Variants in PEX7 observed in about 807,000 individuals in gnomAD.
The protein encoded by PEX7 is PTS2 receptor.
In PEX7, 34 loss-of-function variants were observed where a neutral mutation model predicts 47.5. The observed-to-expected ratio is 0.72, with a 90% confidence interval of 0.54 to 0.95. PEX7 has a LOEUF of 0.95. PEX7 is among the 40% of genes least tolerant of loss of function. PEX7 has a pLI of 0.00. For missense variants in PEX7, 394 were observed against 400.3 expected (o/e 0.98, Z 0.13); for synonymous variants, 141 against 148.8 (o/e 0.95, Z 0.38).
chr6:136,883,380 C>A (rs1422910258), intron 8 of PEX7, among the ~76,000 whole-genome samples: 2 of 152,164 alleles, frequency 1.3e-5, no homozygotes, highest in Non-Finnish European at 2.9e-5. Context: ...AAGCCACTAG[C>A]GACCTCTGTA....
chr6:136,913,229 C>T lies in PEX7; in HGVS notation c.904-229C>T, dbSNP rs138371555. On this transcript the variant is annotated intron_variant, in intron 9 of 9. Transcript: ENST00000318471. ...GGAAACCTCAGTCAATTGAAATATA[C>T]CAATTGGAATATACTCAATCAATGG... Among the ~76,000 whole-genome samples the T allele has an allele frequency of 3.8e-4, 58 of 152,284 alleles. No homozygotes were observed. In the East Asian group the frequency reaches 0.01, roughly 27 times the overall value.
At chr6:136,896,535 G>T (rs1377469671) in intron 8 of PEX7, among the ~76,000 whole-genome samples, 1 of 152,104 alleles carries the variant, frequency 6.6e-6, no homozygotes, top group Non-Finnish European at 1.5e-5. Flanking sequence ...TTTGGTTGTG[G>T]ACACCATGCA....
rs546523685 is a variant in PEX7, at chr6:136,827,864, T to G, written c.339+1395T>G. On this transcript the variant is annotated intron_variant, in intron 3 of 9. Coordinates refer to ENST00000318471, the MANE Select transcript of PEX7 (RefSeq NM_000288.4). ...GTGTGTGTGTGTTTTTTTGTTGTTGTTTTTTTTTGTAGAGATGGAGTTTCG... is the reference window on the plus strand; with the variant it reads ...GTGTGTGTGTGTTTTTTTGTTGTTGGTTTTTTTTGTAGAGATGGAGTTTCG... 2.0e-4 allele frequency among the ~76,000 whole-genome samples: 30 copies of G among 150,664 alleles called. 1 individual carries two copies. The South Asian group carries it at 6.3e-3, about 32-fold the overall frequency.
rs115307856 is a variant in PEX7, at chr6:136,870,341, C to T, written c.747+338C>T. Among the ~76,000 whole-genome samples, 164 of 152,168 alleles carry T rather than the reference C, an allele frequency of 1.1e-3. 1 individual carries two copies. Among genetic ancestry groups the T allele is most frequent in the African/African-American group, 3.5e-3 (145 of 41,540 alleles). On this transcript the variant is annotated intron_variant, in intron 7 of 9. Coordinates refer to ENST00000318471, the MANE Select transcript of PEX7 (RefSeq NM_000288.4). ...ATGTTCTTTATAAGTTTCTAATTAG[C>T]GAGAGTCTCTACTTTGTTGAAACAG... is the stretch of plus-strand genomic sequence containing the variant.
chr6:136,826,011 C>T (rs1229154883), intron 2 of PEX7, among the ~76,000 whole-genome samples: 5 of 152,076 alleles, frequency 3.3e-5, no homozygotes, highest in Admixed American at 2.0e-4. Context: ...TGAAGCCTGT[C>T]TCTTAGTGTC....
At chr6:136,827,812 G>A (rs540341472) in intron 3 of PEX7, among the ~76,000 whole-genome samples, 20 of 151,394 alleles carry the variant, frequency 1.3e-4, no homozygotes, top group Admixed American at 4.6e-4. Flanking sequence ...GATTATAGGC[G>A]TGAGCCACCG....
chr6:136,879,897 G>A (rs184068848), intron 8 of PEX7, among the ~76,000 whole-genome samples: 178 of 151,870 alleles, frequency 1.2e-3, no homozygotes, highest in African/African-American at 3.4e-3. Flanking sequence ...CTCTTCTTGG[G>A]CCCCAATGTA....
At position 136,888,720 on chromosome 6, in the gene PEX7, A is replaced by T. The variant is rs76050601; in HGVS notation, c.804-9422A>T. Among the ~76,000 whole-genome samples, 784 of 152,278 alleles carry T rather than the reference A, an allele frequency of 5.1e-3. 23 individuals carry two copies. In the East Asian group the frequency reaches 0.087, roughly 17 times the overall value. ...ATATGCTAAGTACATGTTTATAAAT[A>T]TAAGTGAATTTGAATTAAATGAAAA... On this transcript the variant is annotated intron_variant, in intron 8 of 9. Coordinates refer to ENST00000318471, the MANE Select transcript of PEX7 (RefSeq NM_000288.4).
At chr6:136,854,612 A>T (rs961055102) in intron 5 of PEX7, among the ~76,000 whole-genome samples, 3 of 152,208 alleles carry the variant, frequency 2.0e-5, no homozygotes, top group African/African-American at 7.2e-5. Context: ...CGTTGGTGAA[A>T]GATTCTACCA....
chr6:136,906,343 T>C (rs780658637), intron 9 of PEX7, among the ~76,000 whole-genome samples: 2 of 152,200 alleles, frequency 1.3e-5, no homozygotes, highest in Non-Finnish European at 2.9e-5. Context: ...ATATCAACTT[T>C]AAACCTATTA....
At chr6:136,909,737 A>G (rs535195041) in intron 9 of PEX7, among the ~76,000 whole-genome samples, 2 of 152,370 alleles carry the variant, frequency 1.3e-5, no homozygotes, top group East Asian at 1.9e-4. Flanking sequence ...TTTTAGATCT[A>G]TCTTAATCCA....
intron 9 of PEX7, among the ~76,000 whole-genome samples, chr6:136,908,930 ATAC>A (rs1775887960): frequency 6.6e-6 from 1 of 152,180 alleles, no homozygotes; most frequent in South Asian, 2.1e-4. Context: ...CTCAGCTTAG[ATAC>A]TACTTCCACC....
At chr6:136,840,319 C>T (rs1258000032) in intron 3 of PEX7, among the ~76,000 whole-genome samples, 1 of 151,952 alleles carries the variant, frequency 6.6e-6, no homozygotes, top group African/African-American at 2.4e-5. Flanking sequence ...GCTTTTTTTT[C>T]TTCCTCGCTT....
rs529314914 is a variant in PEX7, at chr6:136,908,348, T to TA, written c.904-5109dup. 5.9e-4 allele frequency among the ~76,000 whole-genome samples: 90 copies of TA among 152,322 alleles called. No homozygotes were observed. The East Asian group carries it at 0.013, about 23-fold the overall frequency. On this transcript the variant is annotated intron_variant, in intron 9 of 9. Coordinates refer to ENST00000318471, the MANE Select transcript of PEX7 (RefSeq NM_000288.4). ...CTTACCCTATTAGTTTAGTTTTTTT[T>TA]ACTACCCTAGTAGATAGCATCTTTT... is the stretch of plus-strand genomic sequence containing the variant.
chr6:136,861,972 A>G (rs1774971311), intron 5 of PEX7, among the ~76,000 whole-genome samples: 1 of 143,030 alleles, frequency 7.0e-6, no homozygotes. Flanking sequence ...GGAGAAGGTC[A>G]TGAGAGATCA....
At chr6:136,845,850 T>A (rs1183510451) in intron 4 of PEX7, among the ~76,000 whole-genome samples, 158 bp downstream of exon 4, 3 of 152,188 alleles carry the variant, frequency 2.0e-5, no homozygotes, top group Non-Finnish European at 4.4e-5. Context: ...AACTTAAAAT[T>A]TTCTAATCTT....
intron 3 of PEX7, 56 bp from the exon 4 acceptor site, chr6:136,845,559 A>G (rs956192334): frequency 6.3e-6 from 6 of 956,016 alleles, no homozygotes; most frequent in Non-Finnish European, 1.0e-5. Context: ...AAGAGATAAA[A>G]TGCAATGTTG....
intron 8 of PEX7, among the ~76,000 whole-genome samples, chr6:136,887,803 T>C (rs1775493461): frequency 6.6e-6 from 1 of 152,212 alleles, no homozygotes; most frequent in South Asian, 2.1e-4. Context: ...CTAGTTAATG[T>C]TATTATTTAA....
At chr6:136,875,683 G>T (rs1775258722) in intron 8 of PEX7, among the ~76,000 whole-genome samples, 1 of 152,176 alleles carries the variant, frequency 6.6e-6, no homozygotes, top group Admixed American at 6.5e-5. Flanking sequence ...TGATTATGTT[G>T]TTTAGGCCTT....
Sources: allele counts gnomAD v4.1 joint callset (sites outside exome capture counted in the v4.1 genomes callset), GRCh38; gene constraint gnomAD v4.1.1; transcripts MANE v1.5; gene names NCBI Gene and HGNC (gene_info 2026-07-23, HGNC 2026-07-21).